Variants in MTHFD1L observed in about 807,000 individuals in gnomAD.
The protein encoded by MTHFD1L is methylenetetrahydrofolate dehydrogenase (NADP+ dependent) 1 like.
A neutral mutation model predicts 119.5 loss-of-function variants in MTHFD1L; 81 were observed. The ratio of observed to expected loss-of-function variants is 0.68; its 90% confidence interval spans 0.57 to 0.82. The LOEUF is 0.82. Ranked by LOEUF, MTHFD1L falls within the 40% of genes least tolerant of loss-of-function variation. MTHFD1L has a pLI of 0.00. For missense variants in MTHFD1L, 1,125 were observed against 1,253.4 expected (o/e 0.90, Z 1.55); for synonymous variants, 430 against 475.2 (o/e 0.90, Z 1.24).
chr6:150,865,727 G>GCCGCCGCCA lies in MTHFD1L; in HGVS notation c.-88_-87insACCGCCGCC. ...GAGGAAGCGCCAGGTCCTTCCCGCC[G>GCCGCCGCCA]CCGCCGCCGCCGCCGCCGCCTGCTC... On this transcript the variant is annotated 5_prime_UTR_variant, in exon 1 of 28. Coordinates refer to ENST00000367321, the MANE Select transcript of MTHFD1L (RefSeq NM_015440.5). The GCCGCCGCCA allele has an allele frequency of 9.5e-7, 1 of 1,055,996 alleles. No homozygotes were observed. The allele number at this position is 1,055,996 out of a possible 1,614,324, so 65.4% of individuals were successfully genotyped here. A position where few individuals can be genotyped will look rare whatever the true frequency, so the allele number is the denominator to read the frequency against.
intron 26 of MTHFD1L, among the ~76,000 whole-genome samples, chr6:151,081,582 G>T (rs1793184462): frequency 6.6e-6 from 1 of 151,960 alleles, no homozygotes; most frequent in Non-Finnish European, 1.5e-5. Flanking sequence ...TGAGGCAGGA[G>T]AATTACTTGA....
chr6:150,973,937 A>C (rs545373562), intron 20 of MTHFD1L, among the ~76,000 whole-genome samples: 1 of 152,328 alleles, frequency 6.6e-6, no homozygotes, highest in South Asian at 2.1e-4. Flanking sequence ...TATTTTAATG[A>C]ATAGGATCAA....
At chr6:151,085,509 G>A (rs190869739) in intron 26 of MTHFD1L, among the ~76,000 whole-genome samples, 138 of 152,272 alleles carry the variant, frequency 9.1e-4, no homozygotes, top group East Asian at 5.4e-3. Context: ...GTTGTCTCAC[G>A]CCTGTAATCC....
At chr6:151,057,664 C>G (rs545341971) in intron 26 of MTHFD1L, among the ~76,000 whole-genome samples, 1 of 152,266 alleles carries the variant, frequency 6.6e-6, no homozygotes, top group East Asian at 1.9e-4. Flanking sequence ...GACCTAGACT[C>G]CCCCTGTCAA....
chr6:150,898,940 T>C, intron 7 of MTHFD1L: 1 of 1,063,448 alleles, frequency 9.4e-7, no homozygotes, highest in South Asian at 2.7e-5. Context: ...CAGGTTGAAG[T>C]GATTCTCCTG....
chr6:150,947,328 C>T (rs1277418169), intron 15 of MTHFD1L, among the ~76,000 whole-genome samples: 94 of 151,388 alleles, frequency 6.2e-4, no homozygotes, highest in Middle Eastern at 6.8e-3. Context: ...CTCCTGACCT[C>T]AGGTGATCCA....
At chr6:150,909,492 C>T (rs1786503131) in intron 8 of MTHFD1L, among the ~76,000 whole-genome samples, 1 of 152,126 alleles carries the variant, frequency 6.6e-6, no homozygotes, top group African/African-American at 2.4e-5. Context: ...GTCCTCCCGC[C>T]TCCACCTCCA....
intron 24 of MTHFD1L, chr6:151,022,091 CTGGAG>C (rs1188257602): frequency 4.2e-6 from 2 of 470,830 alleles, no homozygotes; most frequent in African/African-American, 4.0e-5. Context: ...CGAAGACAGC[CTGGAG>C]CCGCAGCCAG....
intron 26 of MTHFD1L, among the ~76,000 whole-genome samples, chr6:151,082,617 C>T (rs528505278): frequency 6.6e-6 from 1 of 151,716 alleles, no homozygotes; most frequent in Admixed American, 6.6e-5. Context: ...CTATTTCTAT[C>T]TTAAATAATT....
At chr6:150,888,657 C>G (rs560891626) in intron 7 of MTHFD1L, among the ~76,000 whole-genome samples, 2 of 152,250 alleles carry the variant, frequency 1.3e-5, no homozygotes, top group South Asian at 4.1e-4. Context: ...ATTTGACAGT[C>G]TGATTCTGAA....
At chr6:151,000,481 G>C (rs1780468578) in intron 20 of MTHFD1L, among the ~76,000 whole-genome samples, 1 of 152,136 alleles carries the variant, frequency 6.6e-6, no homozygotes, top group South Asian at 2.1e-4. Flanking sequence ...GTTATATGTT[G>C]AATAGACAAA....
intron 26 of MTHFD1L, among the ~76,000 whole-genome samples, chr6:151,085,003 A>G (rs1256238401): frequency 2.9e-5 from 4 of 139,306 alleles, no homozygotes; most frequent in Non-Finnish European, 6.1e-5. Flanking sequence ...ATATATATAT[A>G]TGTATATATT....
At chr6:150,904,798 T>A (rs1426157830) in intron 7 of MTHFD1L, among the ~76,000 whole-genome samples, 1 of 152,190 alleles carries the variant, frequency 6.6e-6, no homozygotes. Context: ...ATGGACACGA[T>A]CAATGCATTT....
At chr6:151,025,542 G>A (rs1053577122) in intron 24 of MTHFD1L, among the ~76,000 whole-genome samples, 1 of 152,154 alleles carries the variant, frequency 6.6e-6, no homozygotes, top group East Asian at 1.9e-4. Context: ...TGCAAAATAC[G>A]AATGGAAATA....
intron 8 of MTHFD1L, among the ~76,000 whole-genome samples, chr6:150,910,631 A>G (rs1336289331): frequency 1.3e-5 from 2 of 151,840 alleles, no homozygotes; most frequent in Non-Finnish European, 2.9e-5. Context: ...AAGCTCTCTG[A>G]TTAATTAATA....
chr6:151,066,990 A>G (rs1404554390), intron 26 of MTHFD1L, among the ~76,000 whole-genome samples: 1 of 131,594 alleles, frequency 7.6e-6, no homozygotes, highest in Non-Finnish European at 1.6e-5. Context: ...AAATGTATCA[A>G]TTTGATTTTT....
intron 13 of MTHFD1L, 113 bp from the exon 14 acceptor site, chr6:150,944,373 A>C (rs1054157307): frequency 1.3e-6 from 1 of 754,748 alleles, no homozygotes; most frequent in Admixed American, 2.2e-5. Flanking sequence ...GCTTGAGCCC[A>C]AGAGTTTGAG....
At chr6:150,992,484 T>C (rs988875750) in intron 20 of MTHFD1L, among the ~76,000 whole-genome samples, 2 of 152,246 alleles carry the variant, frequency 1.3e-5, no homozygotes, top group Non-Finnish European at 2.9e-5. Flanking sequence ...AACTCAGCTA[T>C]GCTGCTTTAC....
chr6:150,927,362 A>G (rs1426104364), intron 11 of MTHFD1L, among the ~76,000 whole-genome samples: 1 of 151,938 alleles, frequency 6.6e-6, no homozygotes, highest in African/African-American at 2.4e-5. Context: ...TTATTCAAGC[A>G]TATGTGGCAT....
Sources: allele counts gnomAD v4.1 joint callset (sites outside exome capture counted in the v4.1 genomes callset), GRCh38; gene constraint gnomAD v4.1.1; transcripts MANE v1.5; gene names NCBI Gene and HGNC (gene_info 2026-07-23, HGNC 2026-07-21).